ESPNL: variants seen among roughly 807,000 people sequenced by gnomAD.
ESPNL encodes the protein espin like.
A neutral mutation model predicts 46.8 loss-of-function variants in ESPNL; 49 were observed. The observed-to-expected ratio is 1.05, with a 90% CI of 0.83 to 1.33. ESPNL has a LOEUF of 1.33. ESPNL is among the 40% of genes most tolerant of loss of function. The pLI is 0.00. For synonymous variants in ESPNL, 664 were observed against 662.1 expected (o/e 1.00, Z -0.04); for missense variants, 1,540 against 1,436.6 (o/e 1.07, Z -1.16).
At chr2:238,103,783 G>C (rs1403492880) in intron 2 of ESPNL, among the ~76,000 whole-genome samples, 1 of 152,226 alleles carries the variant, frequency 6.6e-6, no homozygotes, top group East Asian at 1.9e-4. Flanking sequence ...GGACCCTCAG[G>C]CTCTGCAGGT....
intron 3 of ESPNL, among the ~76,000 whole-genome samples, chr2:238,106,344 C>T (rs544599919): frequency 2.0e-5 from 3 of 152,282 alleles, no homozygotes; most frequent in Non-Finnish European, 4.4e-5. Context: ...ACCGTGTCCC[C>T]GGGCGCTCGG....
chr2:238,101,855 GAGCCCTC>G, intron 1 of ESPNL, 79 bp from the exon 2 acceptor site: 1 of 981,390 alleles, frequency 1.0e-6, no homozygotes, highest in South Asian at 1.5e-5. Context: ...CAGGCAGTGT[GAGCCCTC>G]GCCCAGGGCC....
chr2:238,126,013 G>A (rs368692791), intron 6 of ESPNL, among the ~76,000 whole-genome samples: 21 of 146,804 alleles, frequency 1.4e-4, no homozygotes, highest in East Asian at 9.0e-4. Context: ...ATCTGTGTAT[G>A]TTGTGTCTGT....
At position 238,116,980 on chromosome 2, in the gene ESPNL, G is replaced by A. The variant is rs376907113; in HGVS notation, c.933G>A (p.Ala311=). The change falls in exon 5 of 9, where the codon GCG becomes GCA. Residue 311 remains alanine, a synonymous_variant. Coordinates refer to ENST00000343063, the MANE Select transcript of ESPNL (RefSeq NM_194312.4). Reference sequence around the variant, plus strand: ...ATGGTTACACGGCGGCAGACCTGGCGGAGTACCATGGACACCGGGACTGCG... The same window carrying A: ...ATGGTTACACGGCGGCAGACCTGGCAGAGTACCATGGACACCGGGACTGCG... ...DEDGYTAADL[A]EYHGHRDCAQ... The A allele has an allele frequency of 2.7e-5, 43 of 1,612,348 alleles. No homozygotes were observed. The highest frequency in any genetic ancestry group is 1.1e-4 in the East Asian group (5 of 44,882).
chr2:238,132,789 G>A lies in ESPNL; in HGVS notation c.*1057G>A, dbSNP rs1037173254. 1 of 152,486 alleles carries A rather than the reference G, an allele frequency of 6.6e-6. No individual in the cohort carries two copies. The highest frequency in any genetic ancestry group is 1.5e-5 in the Non-Finnish European group (1 of 68,136). 9.4% of individuals were successfully genotyped at this position (152,486 alleles called of 1,614,324 possible). A position where few individuals can be genotyped will look rare whatever the true frequency, so the allele number is the denominator to read the frequency against. On this transcript the variant is annotated 3_prime_UTR_variant, in exon 9 of 9. Coordinates refer to ENST00000343063, the MANE Select transcript of ESPNL (RefSeq NM_194312.4). Reference sequence around the variant, plus strand: ...AATGGGTCATCACCCAGGCTCTGGGGCTGAGGAGGGCTGGGCCCAAGCCCA... The same window carrying A: ...AATGGGTCATCACCCAGGCTCTGGGACTGAGGAGGGCTGGGCCCAAGCCCA...
chr2:238,124,778 CAGG>C (rs1692067111), intron 5 of ESPNL, among the ~76,000 whole-genome samples: 1 of 136,216 alleles, frequency 7.3e-6, no homozygotes, highest in Admixed American at 7.3e-5. Context: ...TGCGTGTGTG[CAGG>C]AGAGTACGTG....
At chr2:238,122,633 C>T (rs78385597) in intron 5 of ESPNL, among the ~76,000 whole-genome samples, 1 of 152,356 alleles carries the variant, frequency 6.6e-6, no homozygotes, top group Non-Finnish European at 1.5e-5. Flanking sequence ...GGGCGGCTGC[C>T]ATCCTGCCAA....
chr2:238,122,148 C>T (rs995897787), intron 5 of ESPNL, among the ~76,000 whole-genome samples: 2 of 152,228 alleles, frequency 1.3e-5, no homozygotes, highest in African/African-American at 2.4e-5. Context: ...TGCTGGGATT[C>T]GGGGCAGCAC....
At chr2:238,118,378 G>A (rs1192183116) in intron 5 of ESPNL, among the ~76,000 whole-genome samples, 27 of 111,650 alleles carry the variant, frequency 2.4e-4, no homozygotes, top group African/African-American at 6.5e-4. Flanking sequence ...TGGAGGAGGT[G>A]GATGGAGAAG....
At chr2:238,122,944 G>A (rs76507247) in intron 5 of ESPNL, among the ~76,000 whole-genome samples, 1,917 of 152,324 alleles carry the variant, frequency 0.013, 46 homozygotes, top group African/African-American at 0.044. Flanking sequence ...CCAGCCTCTC[G>A]CTATGTCTTG....
chr2:238,110,132 G>T (rs1574730997), intron 4 of ESPNL, among the ~76,000 whole-genome samples: 1 of 145,318 alleles, frequency 6.9e-6, no homozygotes, highest in Non-Finnish European at 1.5e-5. Context: ...GTTACCGAGT[G>T]TCCCTTTTCT....
At position 238,123,882 on chromosome 2, in the gene ESPNL, G is replaced by A. The variant is rs181342056; in HGVS notation, c.988-1388G>A. 4.4e-4 allele frequency among the ~76,000 whole-genome samples: 67 copies of A among 152,298 alleles called. 1 individual carries two copies. In the East Asian group the frequency reaches 0.012, roughly 26 times the overall value. On this transcript the variant is annotated intron_variant, in intron 5 of 8. Transcript: ENST00000343063. The stretch of plus-strand genomic sequence containing the variant: ...GTGTTCCCTTCCCCGTGGCCCAGTG[G>A]GGTGAGGGTCCTGGAGGGGAGGTGG...
At chr2:238,108,438 C>T (rs947651433) in intron 4 of ESPNL, among the ~76,000 whole-genome samples, 1 of 152,212 alleles carries the variant, frequency 6.6e-6, no homozygotes, top group African/African-American at 2.4e-5. Context: ...TGTTCAACAA[C>T]ATCAGAACCA....
At chr2:238,126,770 G>A (rs977375482) in intron 6 of ESPNL, among the ~76,000 whole-genome samples, 2 of 151,486 alleles carry the variant, frequency 1.3e-5, no homozygotes, top group East Asian at 3.9e-4. Flanking sequence ...CTGTGTATCT[G>A]TGTGTGATTC....
rs1168710592 is a variant in ESPNL at position 238,130,136 on chromosome 2, T to C, written c.1422T>C (p.Gly474=). ...GCCCTTCCTGTGCCCAGGACAATGGTGGGAGCTCAGGCCCCACGGAGCAGG... is the reference window on the plus strand; with the variant it reads ...GCCCTTCCTGTGCCCAGGACAATGGCGGGAGCTCAGGCCCCACGGAGCAGG... The part of the protein sequence containing the change: ...AESSAEAQDN[G]GSSGPTEQAA... The change falls in exon 9 of 9, where the codon GGT becomes GGC. Residue 474 remains glycine (G), a synonymous_variant. Transcript: ENST00000343063. 6.2e-7 allele frequency: 1 copy of C among 1,609,458 alleles called. No individual in the cohort carries two copies. The highest frequency in any genetic ancestry group is 8.5e-7 in the Non-Finnish European group (1 of 1,177,496).
chr2:238,124,741 A>G (rs62197368), intron 5 of ESPNL, among the ~76,000 whole-genome samples: 47,600 of 141,146 alleles, frequency 0.34, 9,045 homozygotes, highest in Non-Finnish European at 0.42. Context: ...AGGAGAGTAC[A>G]TGCATGTGTG....
At chr2:238,101,905 TA>T in intron 1 of ESPNL, 35 bp from the exon 2 acceptor site, 1 of 1,544,372 alleles carries the variant, frequency 6.5e-7, no homozygotes, top group Non-Finnish European at 8.8e-7. Context: ...CCTCACGGCC[TA>T]CCCCCCACTC....
chr2:238,111,548 G>A (rs140783316), intron 4 of ESPNL, among the ~76,000 whole-genome samples: 7 of 152,258 alleles, frequency 4.6e-5, no homozygotes, highest in East Asian at 1.9e-4. Flanking sequence ...GTATTTATCC[G>A]TTTGTCTCTG....
chr2:238,113,102 C>T (rs558394172), intron 4 of ESPNL, among the ~76,000 whole-genome samples: 1 of 152,214 alleles, frequency 6.6e-6, no homozygotes, highest in Non-Finnish European at 1.5e-5. Flanking sequence ...TCCCTACAAT[C>T]CTGTCACCGT....
Sources: allele counts gnomAD v4.1 joint callset (sites outside exome capture counted in the v4.1 genomes callset), GRCh38; gene constraint gnomAD v4.1.1; transcripts MANE v1.5; gene names NCBI Gene and HGNC (gene_info 2026-07-23, HGNC 2026-07-21).